Variants in SLC8A1 observed in about 807,000 individuals in gnomAD.
SLC8A1 encodes solute carrier family 8 member A1, also known as sodium/calcium exchanger 1.
A neutral mutation model predicts 68.3 loss-of-function variants in SLC8A1; 18 were observed. That is an observed-to-expected ratio of 0.26 (90% CI 0.18 to 0.39). The LOEUF (loss-of-function observed/expected upper bound fraction) is 0.39, where lower values mean the gene tolerates loss of function less well. SLC8A1 is among the 10% of genes least tolerant of loss of function. SLC8A1 has a pLI of 1.00. For synonymous variants in SLC8A1, 475 were observed against 415.5 expected (o/e 1.14, Z -1.74); for missense variants, 985 against 1,156.7 (o/e 0.85, Z 2.15).
chr2:40,386,580 A>AG (rs1234961111), intron 2 of SLC8A1, among the ~76,000 whole-genome samples: 2 of 149,270 alleles, frequency 1.3e-5, no homozygotes, highest in African/African-American at 5.0e-5. Context: ...TGATATACAA[A>AG]GCAAGGTATT....
chr2:40,322,821 AACACACACAC>A (rs5830620), intron 2 of SLC8A1, among the ~76,000 whole-genome samples: 5 of 147,712 alleles, frequency 3.4e-5, no homozygotes, highest in Non-Finnish European at 6.0e-5. Context: ...TTTATTGGGT[AACACACACAC>A]ACACACACAC....
intron 2 of SLC8A1, among the ~76,000 whole-genome samples, chr2:40,200,224 T>TTA (rs1223851763): frequency 4.6e-3 from 21 of 4,542 alleles, no homozygotes; most frequent in African/African-American, 9.0e-3. Context: ...ATATATTTTT[T>TTA]TATATATATA....
intron 2 of SLC8A1, among the ~76,000 whole-genome samples, chr2:40,377,165 G>A (rs982844992): frequency 1.3e-5 from 2 of 152,066 alleles, no homozygotes; most frequent in Admixed American, 6.6e-5. Context: ...GCCTAATCAG[G>A]TAACCCATTA....
chr2:40,305,972 G>C (rs1310350995), intron 2 of SLC8A1, among the ~76,000 whole-genome samples: 3 of 152,134 alleles, frequency 2.0e-5, no homozygotes, highest in Non-Finnish European at 2.9e-5. Flanking sequence ...GGTGCATTTT[G>C]TTGCTTGGCA....
intron 1 of SLC8A1, among the ~76,000 whole-genome samples, chr2:40,470,502 T>G (rs537416424): frequency 2.6e-5 from 4 of 152,130 alleles, no homozygotes; most frequent in African/African-American, 9.6e-5. Context: ...AATGGGATTG[T>G]AAATGTATAT....
chr2:40,210,006 T>C (rs919626356), intron 2 of SLC8A1: 4 of 152,238 alleles, frequency 2.6e-5, no homozygotes, highest in African/African-American at 9.6e-5. Context: ...TTGATCTGAG[T>C]TGGCAGATGA....
chr2:40,415,013 T>G (rs75543862), intron 2 of SLC8A1, among the ~76,000 whole-genome samples: 3,000 of 152,272 alleles, frequency 0.02, 101 homozygotes, highest in African/African-American at 0.067. Flanking sequence ...CTCAGAAATT[T>G]GTTGTAAAAG....
chr2:40,454,413 A>C (rs944076488), upstream of SLC8A1, among the ~76,000 whole-genome samples: 1 of 151,622 alleles, frequency 6.6e-6, no homozygotes, highest in Non-Finnish European at 1.5e-5. Context: ...TGTTTGTGAC[A>C]TGGAGTGACA....
intron 2 of SLC8A1, among the ~76,000 whole-genome samples, chr2:40,279,622 T>C (rs1212318047): frequency 6.6e-6 from 1 of 152,218 alleles, no homozygotes; most frequent in African/African-American, 2.4e-5. Context: ...TTTGATTCCA[T>C]GTTTGATAGG....
intron 2 of SLC8A1, among the ~76,000 whole-genome samples, chr2:40,403,269 A>G (rs750445772): frequency 1.3e-5 from 2 of 152,200 alleles, no homozygotes; most frequent in African/African-American, 2.4e-5. Context: ...AAATTCTCCC[A>G]TTAAACCCAG....
chr2:40,146,565 C>G (rs188740815), intron 6 of SLC8A1, among the ~76,000 whole-genome samples: 63 of 152,078 alleles, frequency 4.1e-4, no homozygotes, highest in African/African-American at 1.5e-3. Flanking sequence ...ATGTACTCAC[C>G]ATAATGTGGA....
intron 1 of SLC8A1, among the ~76,000 whole-genome samples, chr2:40,494,161 G>A (rs1380950534): frequency 6.6e-6 from 1 of 151,904 alleles, no homozygotes; most frequent in Admixed American, 6.6e-5. Context: ...AGGTCTGGCT[G>A]TCCCACTTCC....
intron 1 of SLC8A1, among the ~76,000 whole-genome samples, chr2:40,492,450 A>T (rs957515936): frequency 5.3e-5 from 8 of 152,116 alleles, no homozygotes; most frequent in African/African-American, 1.4e-4. Flanking sequence ...ACTTCATGTC[A>T]AAAACACCAA....
At chr2:40,323,282 C>T (rs1156592627) in intron 2 of SLC8A1, among the ~76,000 whole-genome samples, 1 of 152,052 alleles carries the variant, frequency 6.6e-6, no homozygotes, top group Admixed American at 6.6e-5. Context: ...GTCAATATTT[C>T]CCTTTCATAA....
intron 7 of SLC8A1, among the ~76,000 whole-genome samples, chr2:40,136,856 G>C (rs964551464): frequency 6.6e-6 from 1 of 152,142 alleles, no homozygotes; most frequent in African/African-American, 2.4e-5. Flanking sequence ...AGATATGATT[G>C]TCTGAGATTA....
At chr2:40,139,371 G>T in intron 7 of SLC8A1, 30 bp downstream of exon 10, 1 of 1,608,846 alleles carries the variant, frequency 6.2e-7, no homozygotes, top group Middle Eastern at 1.7e-4. Context: ...TTCTGCTACT[G>T]GGGGAATTAT....
In SLC8A1 at chr2:40,484,945, C is replaced by T. The variant is rs139237263; in HGVS notation, c.-25+27404G>A. Among the ~76,000 whole-genome samples the T allele has an allele frequency of 4.8e-3, 738 of 152,224 alleles. 1 individual carries two copies. Among genetic ancestry groups the T allele is most frequent in the Non-Finnish European group, 8.6e-3 (585 of 68,018 alleles). On this transcript the variant is annotated intron_variant, in intron 1 of 7. Coordinates refer to the SLC8A1 transcript ENST00000402441. ...ATCCTATATTTTTAATTTAATGTTA[C>T]GTGATGAAGTCTCTGAAGAATTCAA...
At chr2:40,390,870 C>T (rs1432511327) in intron 2 of SLC8A1, among the ~76,000 whole-genome samples, 1 of 152,064 alleles carries the variant, frequency 6.6e-6, no homozygotes, top group Admixed American at 6.6e-5. Context: ...ATTTGATAGA[C>T]ATTTTATCTT....
chr2:40,457,059 TATCTC>T (rs1304857748), upstream of SLC8A1, among the ~76,000 whole-genome samples: 3 of 152,220 alleles, frequency 2.0e-5, no homozygotes, highest in African/African-American at 7.2e-5. Context: ...AATTTGATCT[TATCTC>T]TATTATAAAC....
Sources: gnomAD v4.1 joint callset for allele counts (sites outside exome capture counted in the v4.1 genomes callset) on GRCh38, gnomAD v4.1.1 for gene constraint, MANE v1.5 for transcripts, NCBI Gene and HGNC (gene_info 2026-07-23, HGNC 2026-07-21) for gene names.